The following FANK1 variants were observed in gnomAD, a reference collection of about 807,000 sequenced individuals.
FANK1 encodes the protein fibronectin type III and ankyrin repeat domains 1.
In FANK1, 44 loss-of-function variants were observed where a neutral mutation model predicts 45.3. The observed-to-expected ratio is 0.97, with a 90% CI of 0.76 to 1.25. The LOEUF (loss-of-function observed/expected upper bound fraction) is 1.25. Among genes scored for constraint, FANK1 ranks in the 50% most tolerant of loss-of-function variants. The pLI is 0.00. For synonymous variants in FANK1, 149 were observed against 152.5 expected (o/e 0.98, Z 0.17); for missense variants, 391 against 424.4 (o/e 0.92, Z 0.69).
intron 1 of FANK1, chr10:125,973,337 C>A (rs1343823140): frequency 3.1e-6 from 2 of 641,526 alleles, no homozygotes; most frequent in East Asian, 1.4e-4. Flanking sequence ...TGGGGGTAAT[C>A]CATAACAGTC....
At chr10:125,913,645 A>G (rs376317589) in intron 1 of FANK1, among the ~76,000 whole-genome samples, 1 of 148,996 alleles carries the variant, frequency 6.7e-6, no homozygotes, top group African/African-American at 2.5e-5. Flanking sequence ...GGCACCAACA[A>G]CATGGTTAGG....
At chr10:125,986,859 G>A (rs1261273836) in intron 2 of FANK1, among the ~76,000 whole-genome samples, 1 of 152,098 alleles carries the variant, frequency 6.6e-6, no homozygotes, top group East Asian at 1.9e-4. Flanking sequence ...AGACCTTCTG[G>A]CTTCTCCTTT....
intron 1 of FANK1, among the ~76,000 whole-genome samples, chr10:125,914,845 G>A (rs1320838836): frequency 6.6e-6 from 1 of 152,106 alleles, no homozygotes; most frequent in Non-Finnish European, 1.5e-5. Context: ...AGTGAGGTCT[G>A]AACTCCCGGG....
chr10:126,004,958 C>T lies in FANK1; in HGVS notation c.614C>T (p.Ala205Val). 3 of 1,614,152 alleles carry T rather than the reference C, an allele frequency of 1.9e-6. No homozygotes were observed. Among genetic ancestry groups the T allele is most frequent in the African/African-American group, 2.7e-5 (2 of 75,036 alleles). The change falls in exon 7 of 11, where the codon GCT (alanine) becomes GTT (valine). Residue 205 changes from alanine (A) to valine (V), a missense_variant. Ala to Val is a moderately conservative substitution (Grantham distance 64). Transcript: ENST00000368693. Reference sequence around the variant, plus strand: ...CGAAGACATGGCGCTTCTTGGCAGGCTAGAGACCTGGGAGGCTGTACAGCT... The same window carrying T: ...CGAAGACATGGCGCTTCTTGGCAGGTTAGAGACCTGGGAGGCTGTACAGCT... Reference protein sequence around the residue: ...YLRRHGASWQARDLGGCTALH... With the variant: ...YLRRHGASWQVRDLGGCTALH...
intron 8 of FANK1, 29 bp from the exon 9 acceptor site, chr10:126,009,025 T>G: frequency 6.2e-7 from 1 of 1,609,716 alleles, no homozygotes; most frequent in Non-Finnish European, 8.5e-7. Context: ...GAGAAGCTCA[T>G]GCACACCACC....
At chr10:125,898,570 G>T (rs112284975) in intron 1 of FANK1, among the ~76,000 whole-genome samples, 2 of 152,084 alleles carry the variant, frequency 1.3e-5, no homozygotes, top group South Asian at 2.1e-4. Context: ...TGAGAGCAGC[G>T]TGGGTTTGAG....
chr10:126,001,917 G>C (rs1032553296), intron 6 of FANK1, among the ~76,000 whole-genome samples: 10 of 152,106 alleles, frequency 6.6e-5, no homozygotes, highest in South Asian at 2.1e-4. Context: ...AATCTTAAGA[G>C]TTTGTTCTCT....
Position 126,000,206 on chromosome 10 carries a change from G to A in FANK1, c.539+2721G>A, listed in dbSNP as rs796147784. Among the ~76,000 whole-genome samples the A allele has an allele frequency of 2.5e-4, 38 of 152,252 alleles. 1 individual carries two copies. Among genetic ancestry groups the A allele is most frequent in the African/African-American group, 9.1e-4 (38 of 41,542 alleles). ...TAGTTCTTCTCAAATACTGCATTGA[G>A]GTTCAATGGACCCTCAACTGGAATT... On this transcript the variant is annotated intron_variant, in intron 6 of 10. Transcript: ENST00000368693.
At chr10:125,918,556 C>CAAAAA (rs1156446362) in intron 1 of FANK1, among the ~76,000 whole-genome samples, 529 of 7,106 alleles carry the variant, frequency 0.074, 202 homozygotes, top group Non-Finnish European at 0.12. Context: ...GCCTCTGTCT[C>CAAAAA]AAAAAAAAAA....
chr10:125,986,688 A>G (rs1434976307), intron 2 of FANK1, among the ~76,000 whole-genome samples: 2 of 152,068 alleles, frequency 1.3e-5, no homozygotes, highest in Admixed American at 6.5e-5. Context: ...CCTTTATGCC[A>G]TTTCTCACTT....
At chr10:125,974,133 G>T (rs79114084) in intron 1 of FANK1, among the ~76,000 whole-genome samples, 1 of 152,150 alleles carries the variant, frequency 6.6e-6, no homozygotes, top group Admixed American at 6.5e-5. Flanking sequence ...TCAAACCTAG[G>T]TTTATCCAAT....
At chr10:125,991,252 T>G (rs1008062877) in intron 3 of FANK1, among the ~76,000 whole-genome samples, 1 of 136,354 alleles carries the variant, frequency 7.3e-6, no homozygotes, top group Non-Finnish European at 1.5e-5. Flanking sequence ...TGACCAGGGG[T>G]GTGTGTGTGT....
chr10:126,000,682 G>A (rs1338785910), intron 6 of FANK1, among the ~76,000 whole-genome samples: 3 of 152,062 alleles, frequency 2.0e-5, no homozygotes, highest in Non-Finnish European at 4.4e-5. Context: ...TGCATTGAAA[G>A]GAATCATTAA....
chr10:125,958,398 G>C (rs1949713488), intron 1 of FANK1, among the ~76,000 whole-genome samples: 1 of 152,132 alleles, frequency 6.6e-6, no homozygotes, highest in African/African-American at 2.4e-5. Flanking sequence ...TTACAATCAG[G>C]GTGAAAGAGG....
intron 1 of FANK1, among the ~76,000 whole-genome samples, chr10:125,909,206 G>C (rs1334521234): frequency 6.6e-6 from 1 of 152,224 alleles, no homozygotes; most frequent in Non-Finnish European, 1.5e-5. Context: ...ATGTAGCCTA[G>C]GAAATTTGAA....
rs142716284 is a variant in FANK1 at position 125,919,195 on chromosome 10, A to ATTTTTTTTTTTTTTT, written c.13+22554_13+22568dup. Among the ~76,000 whole-genome samples the ATTTTTTTTTTTTTTT allele has an allele frequency of 1.6e-3, 82 of 51,878 alleles. 7 individuals are homozygous for ATTTTTTTTTTTTTTT. Among genetic ancestry groups the ATTTTTTTTTTTTTTT allele is most frequent in the African/African-American group, 3.5e-3 (45 of 12,776 alleles). 34.0% of individuals were successfully genotyped at this position (51,878 alleles called of 152,430 possible). A position where few individuals can be genotyped will look rare whatever the true frequency, so the allele number is the denominator to read the frequency against. ...AGTAAAATACTTCCAGGAGGTAAGA[A>ATTTTTTTTTTTTTTT]TTTTTTTTTTTTTTTTTTTTTTTTT... On this transcript the variant is annotated intron_variant, in intron 1 of 10. Transcript: ENST00000368693.
intron 1 of FANK1, among the ~76,000 whole-genome samples, chr10:125,930,326 G>A (rs1008081490): frequency 6.6e-6 from 1 of 150,958 alleles, no homozygotes; most frequent in Non-Finnish European, 1.5e-5. Context: ...GAGTCACCAC[G>A]CCTGGCCTAA....
chr10:125,981,098 A>C lies in FANK1; in HGVS notation c.191+760A>C, dbSNP rs187690461. On this transcript the variant is annotated intron_variant, in intron 2 of 10. Coordinates refer to ENST00000368693, the MANE Select transcript of FANK1 (RefSeq NM_145235.5). ...CACCCAGTATTAAACTCAGTGAGAG[A>C]CAAATAAGACTTCTGCCTGCTTAAC... Among the ~76,000 whole-genome samples the C allele has an allele frequency of 1.3e-4, 20 of 152,320 alleles. No homozygotes were observed. In the East Asian group the frequency reaches 3.7e-3, roughly 28 times the overall value.
chr10:125,994,352 C>G, intron 3 of FANK1: 1 of 979,868 alleles, frequency 1.0e-6, no homozygotes, highest in Non-Finnish European at 1.2e-6. Flanking sequence ...GAGCCTAGCA[C>G]AGGACTTGGC....
Sources: gnomAD v4.1 joint callset for allele counts (sites outside exome capture counted in the v4.1 genomes callset) on GRCh38, gnomAD v4.1.1 for gene constraint, MANE v1.5 for transcripts, NCBI Gene and HGNC (gene_info 2026-07-23, HGNC 2026-07-21) for gene names.